Variants in COL26A1 observed in about 807,000 individuals in gnomAD.
The protein encoded by COL26A1 is collagen alpha-1(XXVI) chain.
In COL26A1, 41 loss-of-function variants were observed where a neutral mutation model predicts 59.3. The ratio of observed to expected loss-of-function variants is 0.69; its 90% CI spans 0.54 to 0.90. COL26A1 has a LOEUF of 0.90. Among genes scored for constraint, COL26A1 ranks in the 40% least tolerant of loss-of-function variants. The pLI is 0.00. For missense variants in COL26A1, 612 were observed against 602.3 expected (o/e 1.02, Z -0.17); for synonymous variants, 266 against 256.0 (o/e 1.04, Z -0.37).
chr7:101,530,266 A>C (rs1425350412), intron 3 of COL26A1, among the ~76,000 whole-genome samples: 2 of 151,890 alleles, frequency 1.3e-5, no homozygotes, highest in Non-Finnish European at 2.9e-5. Flanking sequence ...TTGGTTGTGT[A>C]AGTTTAAGAG....
intron 1 of COL26A1, among the ~76,000 whole-genome samples, chr7:101,363,990 G>A (rs1242051493): frequency 6.6e-6 from 1 of 152,174 alleles, no homozygotes; most frequent in East Asian, 1.9e-4. Context: ...CGACTCCCCA[G>A]CCACCCCGGG....
rs773152560 is a variant in COL26A1 at position 101,551,140 on chromosome 7, G to T, written c.1026G>T (p.Pro342=). The part of the protein sequence containing the change: ...GLAGERGTVG[P]SGEPGVKGEE... ...CTGGAGAGCGAGGCACAGTGGGGCC[G>T]TCCGTAAGTGTGGGCTGTGCAGATG... Residue 342 remains proline (P), a synonymous_variant, in exon 10 of 13, where the codon CCG becomes CCT. Transcript: ENST00000313669. 1.3e-6 allele frequency: 2 copies of T among 1,551,020 alleles called. No individual in the cohort carries two copies. Among genetic ancestry groups the T allele is most frequent in the Admixed American group, 1.9e-5 (1 of 51,514 alleles).
intron 1 of COL26A1, among the ~76,000 whole-genome samples, chr7:101,409,246 T>C (rs565535112): frequency 2.6e-5 from 4 of 152,228 alleles, no homozygotes; most frequent in African/African-American, 9.6e-5. Flanking sequence ...TCCTTGCTAT[T>C]TTTCCTGGTC....
intron 12 of COL26A1, 76 bp downstream of exon 12, chr7:101,555,947 C>A: frequency 7.8e-7 from 1 of 1,281,878 alleles, no homozygotes; most frequent in Non-Finnish European, 1.1e-6. Context: ...CTCATGGCTG[C>A]TGCCTAGGGT....
chr7:101,459,339 A>T (rs1405810504), intron 3 of COL26A1, among the ~76,000 whole-genome samples: 2 of 151,740 alleles, frequency 1.3e-5, no homozygotes, highest in African/African-American at 4.8e-5. Context: ...TCGCTCTGTC[A>T]CCAGGCTGGA....
chr7:101,459,875 T>C (rs987158023), intron 3 of COL26A1, among the ~76,000 whole-genome samples: 10 of 152,098 alleles, frequency 6.6e-5, no homozygotes, highest in African/African-American at 2.4e-4. Context: ...GTGGAGCTGA[T>C]TGATTTGAGT....
rs113794086 is a variant in COL26A1, at chr7:101,510,902, T to C, written c.386-22180T>C. Among the ~76,000 whole-genome samples the C allele has an allele frequency of 2.6e-3, 205 of 77,940 alleles. 2 individuals are homozygous for C. The highest frequency in any genetic ancestry group is 0.01 in the African/African-American group (61 of 5,898). The allele number at this position is 77,940 out of a possible 152,430, so 51.1% of individuals were successfully genotyped here. On this transcript the variant is annotated intron_variant, in intron 3 of 12. Coordinates refer to ENST00000313669, the MANE Select transcript of COL26A1 (RefSeq NM_001278563.3). ...CTTTTTTCTTTTTCTTTCTTTCTTT[T>C]TTTTTTTTTTTTTTTTGAGACGGAG...
At chr7:101,527,450 C>T (rs1795271457) in intron 3 of COL26A1, among the ~76,000 whole-genome samples, 1 of 152,138 alleles carries the variant, frequency 6.6e-6, no homozygotes, top group Non-Finnish European at 1.5e-5. Context: ...GCCTCAGCCT[C>T]CCGAGTAGCT....
intron 1 of COL26A1, among the ~76,000 whole-genome samples, chr7:101,368,200 G>C (rs1371811432): frequency 1.3e-5 from 2 of 152,168 alleles, no homozygotes; most frequent in African/African-American, 4.8e-5. Context: ...ATTACATCTT[G>C]GGTGCTGTAG....
At chr7:101,363,410 G>A (rs1445891669) in intron 1 of COL26A1, among the ~76,000 whole-genome samples, 6 of 146,892 alleles carry the variant, frequency 4.1e-5, no homozygotes, top group African/African-American at 1.5e-4. Flanking sequence ...CTGGGGGCGC[G>A]GGGTGGCGGA....
intron 3 of COL26A1, among the ~76,000 whole-genome samples, chr7:101,497,002 C>G (rs1396339634): frequency 1.3e-5 from 2 of 152,050 alleles, no homozygotes; most frequent in African/African-American, 4.8e-5. Context: ...TTTTGGGAGG[C>G]CGAGGCGGGC....
At chr7:101,418,144 T>C (rs895107850) in intron 1 of COL26A1, among the ~76,000 whole-genome samples, 3 of 151,790 alleles carry the variant, frequency 2.0e-5, no homozygotes, top group East Asian at 1.9e-4. Flanking sequence ...GGATTATGAG[T>C]GTGAGCCACC....
chr7:101,524,950 G>A (rs756748131), intron 3 of COL26A1, among the ~76,000 whole-genome samples: 2 of 152,162 alleles, frequency 1.3e-5, no homozygotes, highest in Non-Finnish European at 2.9e-5. Context: ...TGCCAGCCAA[G>A]TCAACAGAAC....
At chr7:101,385,248 T>TACACAC (rs71106514) in intron 1 of COL26A1, among the ~76,000 whole-genome samples, 6,994 of 148,000 alleles carry the variant, frequency 0.047, 208 homozygotes, top group Non-Finnish European at 0.061. Flanking sequence ...TATATATATA[T>TACACAC]ATACACACAC....
intron 4 of COL26A1, among the ~76,000 whole-genome samples, chr7:101,534,654 T>TAC (rs3073378): frequency 0.017 from 2,463 of 147,618 alleles, 67 homozygotes; most frequent in African/African-American, 0.049. Context: ...CACATACATA[T>TAC]ACACACACAC....
intron 4 of COL26A1, among the ~76,000 whole-genome samples, chr7:101,534,803 C>T (rs928397145): frequency 1.3e-5 from 2 of 151,686 alleles, no homozygotes; most frequent in African/African-American, 4.9e-5. Flanking sequence ...GGGACCACCA[C>T]CCGCCAGCTG....
At chr7:101,419,046 CCTT>C (rs1157181202) in intron 1 of COL26A1, among the ~76,000 whole-genome samples, 1 of 145,554 alleles carries the variant, frequency 6.9e-6, no homozygotes, top group African/African-American at 2.5e-5. Flanking sequence ...CTCCCTCTCT[CCTT>C]CTCTCTCTCT....
rs149918145 is a variant in COL26A1 at position 101,381,179 on chromosome 7, T to C, written c.158+17989T>C. On this transcript the variant is annotated intron_variant, in intron 1 of 12. Transcript: ENST00000313669. Reference sequence around the variant, plus strand: ...ATCAAGGTATTTACAGGGCTGGTCTTTTTGGAGGCTCTGGGAAAGAACCTA... The same window carrying C: ...ATCAAGGTATTTACAGGGCTGGTCTCTTTGGAGGCTCTGGGAAAGAACCTA... Among the ~76,000 whole-genome samples the C allele has an allele frequency of 1.3e-3, 205 of 152,348 alleles. 2 individuals are homozygous for C. Among genetic ancestry groups the C allele is most frequent in the African/African-American group, 4.9e-3 (204 of 41,578 alleles).
intron 1 of COL26A1, among the ~76,000 whole-genome samples, chr7:101,363,500 G>A (rs1179523571): frequency 1.4e-5 from 2 of 139,972 alleles, no homozygotes; most frequent in Admixed American, 7.1e-5. Context: ...AAAGACCGAA[G>A]GGCCTTGGGT....
Sources: gnomAD v4.1 joint callset for allele counts (sites outside exome capture counted in the v4.1 genomes callset) on GRCh38, gnomAD v4.1.1 for gene constraint, MANE v1.5 for transcripts, NCBI Gene and HGNC (gene_info 2026-07-23, HGNC 2026-07-21) for gene names.